The following GALNT18 variants were observed in gnomAD, a reference collection of about 807,000 sequenced individuals.
The protein encoded by GALNT18 is GalNAc-transferase 18.
GALNT18 carries 44 observed loss-of-function variants against 69.5 expected under a neutral mutation model. That is an observed-to-expected ratio of 0.63 (90% CI 0.50 to 0.81). The LOEUF (loss-of-function observed/expected upper bound fraction) is 0.81. GALNT18 is among the 40% of genes least tolerant of loss of function. The probability of loss-of-function intolerance (pLI) is 0.00; values close to 1 mark genes in which losing one functional copy is unlikely to be tolerated. For missense variants in GALNT18, 715 were observed against 810.0 expected, an observed-to-expected ratio of 0.88 and a Z score of 1.42; for synonymous variants, 364 against 318.2, an observed-to-expected ratio of 1.14 and a Z score of -1.53.
intron 1 of GALNT18, among the ~76,000 whole-genome samples, chr11:11,457,939 A>G (rs888810295): frequency 3.9e-5 from 6 of 152,190 alleles, no homozygotes; most frequent in Admixed American, 2.6e-4. Flanking sequence ...AAGATCCAGA[A>G]CCCAGTGAGA....
Position 11,448,913 on chromosome 11 carries a change from C to T in GALNT18, c.259G>A (p.Ala87Thr). The T allele has an allele frequency of 6.3e-7, 1 of 1,596,314 alleles. No homozygotes were observed. The highest frequency in any genetic ancestry group is 8.5e-7 in the Non-Finnish European group (1 of 1,171,660). Residue 87 changes from alanine (A) to threonine (T), a missense_variant, in exon 2 of 11, where the codon GCA (alanine) becomes ACA (threonine). By Grantham distance (58) the Ala-to-Thr change is moderately conservative (BLOSUM62 0). Transcript: ENST00000227756. ...GAGTCTGTGAAGGGCTCGGCCTCTG[C>T]CTCCTCAGGCTTGGCAGGAGCCTCT... The part of the protein sequence containing the change: ...IQEAPAKPEE[A>T]EAEPFTDSSL...
intron 1 of GALNT18, among the ~76,000 whole-genome samples, chr11:11,449,433 T>G (rs1855741528): frequency 1.3e-5 from 2 of 152,226 alleles, no homozygotes; most frequent in African/African-American, 4.8e-5. Flanking sequence ...TCCAGTGAGT[T>G]GCCTGGTGCA....
intron 10 of GALNT18, among the ~76,000 whole-genome samples, chr11:11,276,214 G>A (rs766135262): frequency 6.6e-6 from 1 of 152,202 alleles, no homozygotes; most frequent in Non-Finnish European, 1.5e-5. Flanking sequence ...TCCTTGAGCA[G>A]TGCTTTGTAG....
rs1054571369 is a variant in GALNT18 at position 11,372,189 on chromosome 11, G to A, written c.1092+326C>T. 2.0e-4 allele frequency among the ~76,000 whole-genome samples: 31 copies of A among 152,140 alleles called. No homozygotes were observed. Among genetic ancestry groups the A allele is most frequent in the Admixed American group, 1.6e-3 (25 of 15,276 alleles). ...GGGTCACTCTTGTCCAGCCACTCTCGATGCCTGTTATTGCTTCCTAGAGCA... is the reference window on the plus strand; with the variant it reads ...GGGTCACTCTTGTCCAGCCACTCTCAATGCCTGTTATTGCTTCCTAGAGCA... On this transcript the variant is annotated intron_variant, in intron 6 of 10. Coordinates refer to ENST00000227756, the MANE Select transcript of GALNT18 (RefSeq NM_198516.3). This position sits in a 1 kb window ranked among gnomAD's most constrained non-coding sequence, Gnocchi z 4.9.
chr11:11,338,638 G>T lies in GALNT18; in HGVS notation c.1278+2181C>A, dbSNP rs1850152925. ...GTCATTCTGAGTGCCTGTGGGAATGGCCAAGAGGAGATGTCCAGCTGGCAG... is the reference window on the plus strand; with the variant it reads ...GTCATTCTGAGTGCCTGTGGGAATGTCCAAGAGGAGATGTCCAGCTGGCAG... On this transcript the variant is annotated intron_variant, in intron 7 of 10. Transcript: ENST00000227756. The surrounding 1 kb of genome is among the most constrained non-coding windows in gnomAD (Gnocchi z 5.3). 6.6e-6 allele frequency among the ~76,000 whole-genome samples: 1 copy of T among 152,242 alleles called. No individual in the cohort carries two copies. Among genetic ancestry groups the T allele is most frequent in the African/African-American group, 2.4e-5 (1 of 41,470 alleles).
chr11:11,290,634 A>G (rs1849279922), intron 10 of GALNT18, among the ~76,000 whole-genome samples: 1 of 152,146 alleles, frequency 6.6e-6, no homozygotes, highest in African/African-American at 2.4e-5. Context: ...ACTCCTTCCA[A>G]AGAGACCAGG....
intron 1 of GALNT18, among the ~76,000 whole-genome samples, chr11:11,569,369 C>G (rs1858730243): frequency 6.6e-6 from 1 of 152,118 alleles, no homozygotes; most frequent in South Asian, 2.1e-4. Flanking sequence ...TTGCCCCCAC[C>G]CCAATACCCC....
In GALNT18 at chr11:11,432,898, T is replaced by G; in HGVS notation, c.429-111A>C. On this transcript the variant is annotated intron_variant, in intron 2 of 10. Transcript: ENST00000227756. This position sits in a 1 kb window ranked among gnomAD's most constrained non-coding sequence, Gnocchi z 5.8. The stretch of plus-strand genomic sequence containing the variant: ...TTGCTGGAGGGCTCGGGAGTCCAGA[T>G]TCTTCCAAGGGCCCCTTCTTTGATG... The G allele has an allele frequency of 9.9e-7, 1 of 1,012,964 alleles. No individual in the cohort carries two copies. Among genetic ancestry groups the G allele is most frequent in the Non-Finnish European group, 1.4e-6 (1 of 698,358 alleles). The allele number at this position is 1,012,964 out of a possible 1,614,324, so 62.7% of individuals were successfully genotyped here.
rs1565014746 is a variant in GALNT18, at chr11:11,563,092, C to T, written c.235+58267G>A. Among the ~76,000 whole-genome samples, 1 of 152,184 alleles carries T rather than the reference C, an allele frequency of 6.6e-6. No individual in the cohort carries two copies. Among genetic ancestry groups the T allele is most frequent in the Non-Finnish European group, 1.5e-5 (1 of 68,046 alleles). ...CCCCACCCTGCAAACAAGACTCCTC[C>T]AGCCCAGGAGGTGACCCCCCACCAC... is the stretch of plus-strand genomic sequence containing the variant. On this transcript the variant is annotated intron_variant, in intron 1 of 10. Transcript: ENST00000227756. The surrounding 1 kb of genome is among the most constrained non-coding windows in gnomAD (Gnocchi z 4.6).
rs149748186 is a variant in GALNT18 at position 11,274,287 on chromosome 11, T to C, written c.1678-2997A>G. ...GACACTGAGCTAGCTGCAGGAGTTT[T>C]TGTTTTTGTTTTTTTCTCAATACCC... On this transcript the variant is annotated intron_variant, in intron 10 of 10. Transcript: ENST00000227756. Among the ~76,000 whole-genome samples, 450 of 151,294 alleles carry C rather than the reference T, an allele frequency of 3.0e-3. 7 individuals carry two copies. Among genetic ancestry groups the C allele is most frequent in the African/African-American group, 0.01 (420 of 41,352 alleles).
At chr11:11,295,100 G>A (rs923783830) in intron 9 of GALNT18, among the ~76,000 whole-genome samples, 1 of 152,220 alleles carries the variant, frequency 6.6e-6, no homozygotes, top group African/African-American at 2.4e-5. Flanking sequence ...AAAAGGGACA[G>A]AAGTGGAAAG....
At chr11:11,559,184 G>A (rs980397458) in intron 1 of GALNT18, among the ~76,000 whole-genome samples, 7 of 152,196 alleles carry the variant, frequency 4.6e-5, no homozygotes, top group Non-Finnish European at 1.0e-4. Flanking sequence ...TTTGCTGTTT[G>A]CCTGGCAAAC....
At chr11:11,273,619 T>A (rs559933875) in intron 10 of GALNT18, among the ~76,000 whole-genome samples, 2 of 152,318 alleles carry the variant, frequency 1.3e-5, no homozygotes, top group Admixed American at 1.3e-4. Context: ...ACAGCTACTA[T>A]GGAGAACAGT....
rs1859365839 is a variant in GALNT18, at chr11:11,591,711, T to C, written c.235+29648A>G. 6.6e-6 allele frequency among the ~76,000 whole-genome samples: 1 copy of C among 152,226 alleles called. No individual in the cohort carries two copies. Among genetic ancestry groups the C allele is most frequent in the Non-Finnish European group, 1.5e-5 (1 of 68,036 alleles). The stretch of plus-strand genomic sequence containing the variant: ...GATAGTAATAGAAGTGCATTTTCTT[T>C]AGTGCCAGATGGAAATACAATGAGC... On this transcript the variant is annotated intron_variant, in intron 1 of 10. Transcript: ENST00000227756. This position sits in a 1 kb window ranked among gnomAD's most constrained non-coding sequence, Gnocchi z 4.8.
rs1748748955 is a variant in GALNT18, at chr11:11,505,250, G to C, written c.236-56314C>G. ...AACTGGTTGTTTATAGCCAGTGTCT[G>C]CTATGATTAGTCATGGATTGGTTGT... is the stretch of plus-strand genomic sequence containing the variant. On this transcript the variant is annotated intron_variant, in intron 1 of 10. Transcript: ENST00000227756. The surrounding 1 kb of genome is among the most constrained non-coding windows in gnomAD (Gnocchi z 4.6). Among the ~76,000 whole-genome samples the C allele has an allele frequency of 6.6e-6, 1 of 152,180 alleles. No homozygotes were observed. Among genetic ancestry groups the C allele is most frequent in the Admixed American group, 6.5e-5 (1 of 15,286 alleles).
chr11:11,411,738 G>A (rs1854732841), intron 3 of GALNT18, among the ~76,000 whole-genome samples: 1 of 152,216 alleles, frequency 6.6e-6, no homozygotes, highest in Non-Finnish European at 1.5e-5. Flanking sequence ...AAGGGCCCTT[G>A]AGGAATCCTG....
In GALNT18 at chr11:11,505,284, A is replaced by G. The variant is rs1395846044; in HGVS notation, c.236-56348T>C. Among the ~76,000 whole-genome samples the G allele has an allele frequency of 6.6e-6, 1 of 152,202 alleles. No homozygotes were observed. The highest frequency in any genetic ancestry group is 6.5e-5 in the Admixed American group (1 of 15,284). On this transcript the variant is annotated intron_variant, in intron 1 of 10. Transcript: ENST00000227756. This position sits in a 1 kb window ranked among gnomAD's most constrained non-coding sequence, Gnocchi z 4.6. ...AGTCATGGATTGGTTGTGAGATATT[A>G]TGAATATCAACCTTAAGTAAAAACA...
At chr11:11,352,179 G>A in intron 6 of GALNT18, 1 of 1,613,806 alleles carries the variant, frequency 6.2e-7, no homozygotes, top group Admixed American at 1.7e-5. Flanking sequence ...CTCTCTTGCA[G>A]TAAGCCGTGA....
chr11:11,379,021 A>G (rs1853842381), intron 4 of GALNT18, 60 bp downstream of exon 4: 2 of 1,420,638 alleles, frequency 1.4e-6, no homozygotes, highest in Non-Finnish European at 1.9e-6. Flanking sequence ...GCTTTGCACT[A>G]TTGGAGCTGA....
Sources: gnomAD v4.1 joint callset for allele counts (sites outside exome capture counted in the v4.1 genomes callset) on GRCh38, gnomAD v4.1.1 for gene constraint, Gnocchi (gnomAD v3.1) non-coding constraint, MANE v1.5 for transcripts, NCBI Gene and HGNC (gene_info 2026-07-23, HGNC 2026-07-21) for gene names.